CDH13: variants seen among roughly 807,000 people sequenced by gnomAD.
The protein encoded by CDH13 is cadherin 13, also known as cadherin-13.
A neutral mutation model predicts 63.8 loss-of-function variants in CDH13; 24 were observed. That is an observed-to-expected ratio of 0.38 (90% CI 0.27 to 0.53). The LOEUF (loss-of-function observed/expected upper bound fraction) is 0.53. Ranked by LOEUF, CDH13 falls within the 20% of genes least tolerant of loss-of-function variation. CDH13 has a pLI of 0.85. For synonymous variants in CDH13, 503 were observed against 355.3 expected (o/e 1.42, Z -4.67); for missense variants, 1,049 against 903.1 (o/e 1.16, Z -2.07).
At position 83,379,919 on chromosome 16, in the gene CDH13, GTA is replaced by G. The variant is rs747045728; in HGVS notation, c.781+34932_781+34933del. On this transcript the variant is annotated intron_variant, in intron 6 of 13. Transcript: ENST00000567109. ...ATATATGTATTATATATGTGTGTGT[GTA>G]TATATATATATATATATAGAGAGAG... Among the ~76,000 whole-genome samples, 40 of 126,418 alleles carry G rather than the reference GTA, an allele frequency of 3.2e-4. No individual in the cohort carries two copies. The East Asian group carries it at 3.6e-3, about 11-fold the overall frequency. 82.9% of individuals were successfully genotyped at this position (126,418 alleles called of 152,430 possible).
chr16:83,011,992 G>T (rs1021381550), intron 2 of CDH13, among the ~76,000 whole-genome samples: 1 of 152,028 alleles, frequency 6.6e-6, no homozygotes, highest in Non-Finnish European at 1.5e-5. Flanking sequence ...CACTCTTTTT[G>T]TGTTCAGATC....
At chr16:83,255,272 G>C (rs1312205052) in intron 5 of CDH13, among the ~76,000 whole-genome samples, 1 of 152,154 alleles carries the variant, frequency 6.6e-6, no homozygotes, top group Non-Finnish European at 1.5e-5. Flanking sequence ...CAATTAAAAA[G>C]ACAAGTGGAG....
At chr16:82,840,423 C>T (rs539753551) in intron 1 of CDH13, among the ~76,000 whole-genome samples, 2 of 151,352 alleles carry the variant, frequency 1.3e-5, no homozygotes, top group South Asian at 4.2e-4. Flanking sequence ...TGGCTCACAC[C>T]TGTAATCCCA....
intron 5 of CDH13, among the ~76,000 whole-genome samples, chr16:83,287,147 G>A (rs2089338491): frequency 6.6e-6 from 1 of 152,206 alleles, no homozygotes; most frequent in Non-Finnish European, 1.5e-5. Flanking sequence ...TCAGTGGAAT[G>A]TTCAGGAAGT....
chr16:82,724,145 T>C (rs1229991288), intron 1 of CDH13, among the ~76,000 whole-genome samples: 1 of 152,190 alleles, frequency 6.6e-6, no homozygotes, highest in Non-Finnish European at 1.5e-5. Context: ...AAAGAGGTTT[T>C]TTGTTATATA....
At chr16:83,764,963 C>G (rs1387048504) in intron 11 of CDH13, among the ~76,000 whole-genome samples, 1 of 152,236 alleles carries the variant, frequency 6.6e-6, no homozygotes, top group African/African-American at 2.4e-5. Flanking sequence ...ACCACTTCGT[C>G]CCCCTACAAC....
At chr16:83,401,948 A>C (rs1012152743) in intron 6 of CDH13, among the ~76,000 whole-genome samples, 2 of 152,154 alleles carry the variant, frequency 1.3e-5, no homozygotes, top group Admixed American at 1.3e-4. Flanking sequence ...CCAGAGCTTG[A>C]GGTCTTGAGA....
At chr16:83,537,127 T>A (rs1021972968) in intron 7 of CDH13, among the ~76,000 whole-genome samples, 1 of 152,180 alleles carries the variant, frequency 6.6e-6, no homozygotes, top group African/African-American at 2.4e-5. Context: ...CAAATTGAAA[T>A]ACATAGAAAC....
chr16:83,201,022 G>A (rs2039014181), intron 4 of CDH13, among the ~76,000 whole-genome samples: 1 of 149,698 alleles, frequency 6.7e-6, no homozygotes, highest in Non-Finnish European at 1.5e-5. Flanking sequence ...TCTGTTGGAG[G>A]ATACCAGAAT....
chr16:82,966,432 C>A (rs1223154793), intron 2 of CDH13, among the ~76,000 whole-genome samples: 5 of 152,216 alleles, frequency 3.3e-5, no homozygotes, highest in African/African-American at 1.2e-4. Flanking sequence ...CAGGCGTGAG[C>A]CAGCGCGCCT....
intron 1 of CDH13, among the ~76,000 whole-genome samples, chr16:82,726,852 A>G (rs755670915): frequency 6.6e-6 from 1 of 152,180 alleles, no homozygotes; most frequent in Non-Finnish European, 1.5e-5. Flanking sequence ...TATTAATAGT[A>G]TTATCCCCAT....
chr16:82,714,059 A>G (rs953900417), intron 1 of CDH13, among the ~76,000 whole-genome samples: 7 of 152,144 alleles, frequency 4.6e-5, no homozygotes, highest in Admixed American at 6.5e-5. Flanking sequence ...TCGGCCTTCC[A>G]AAGTGCTGGA....
At chr16:83,529,979 G>A (rs377177497) in intron 7 of CDH13, among the ~76,000 whole-genome samples, 24 of 152,092 alleles carry the variant, frequency 1.6e-4, no homozygotes, top group African/African-American at 4.3e-4. Flanking sequence ...AAATGGGGTC[G>A]GGTAAGAATC....
At chr16:83,428,279 C>G (rs1459336630) in intron 6 of CDH13, among the ~76,000 whole-genome samples, 4 of 152,062 alleles carry the variant, frequency 2.6e-5, no homozygotes, top group Admixed American at 6.6e-5. Context: ...GCAGCAAAAA[C>G]AGTGAACTAG....
chr16:83,388,163 A>T (rs1288004065), intron 6 of CDH13, among the ~76,000 whole-genome samples: 1 of 151,762 alleles, frequency 6.6e-6, no homozygotes, highest in Non-Finnish European at 1.5e-5. Context: ...TTTAAGAATC[A>T]CATTTCTGGG....
chr16:83,207,943 C>G (rs906850385), intron 4 of CDH13, among the ~76,000 whole-genome samples: 1 of 152,096 alleles, frequency 6.6e-6, no homozygotes, highest in Non-Finnish European at 1.5e-5. Flanking sequence ...GGCAAAATGA[C>G]CACTAAAAGA....
At position 83,566,967 on chromosome 16, in the gene CDH13, G is replaced by A. The variant is rs543352440; in HGVS notation, c.961-35487G>A. ...ACCTATTCTTTCTCTACTTCCTCAC[G>A]TTCCCTCCATCCCTGGGAGATTTAC... On this transcript the variant is annotated intron_variant, in intron 7 of 13. Coordinates refer to ENST00000567109, the MANE Select transcript of CDH13 (RefSeq NM_001257.5). Among the ~76,000 whole-genome samples, 9 of 152,196 alleles carry A rather than the reference G, an allele frequency of 5.9e-5. No individual in the cohort carries two copies. The South Asian group carries it at 1.0e-3, about 18-fold the overall frequency.
At position 83,102,965 on chromosome 16, in the gene CDH13, T is replaced by TC. The variant is rs796996175; in HGVS notation, c.367-22420_367-22419insC. Among the ~76,000 whole-genome samples the TC allele has an allele frequency of 3.6e-4, 39 of 107,800 alleles. 1 individual carries two copies. Among genetic ancestry groups the TC allele is most frequent in the Admixed American group, 7.8e-4 (7 of 8,992 alleles). 70.7% of individuals were successfully genotyped at this position (107,800 alleles called of 152,430 possible). On this transcript the variant is annotated intron_variant, in intron 3 of 13. Transcript: ENST00000567109. ...TTCTTTTTCTTTTTTTTTTTTTTTT[T>TC]TTTTTGAGGTGGAGTCCTGCTCTGT...
chr16:83,007,601 A>T (rs189258302), intron 2 of CDH13, among the ~76,000 whole-genome samples: 73 of 152,176 alleles, frequency 4.8e-4, no homozygotes, highest in African/African-American at 1.7e-3. Context: ...AGGCTGGGGC[A>T]GGTGGATTGC....
Sources: allele counts gnomAD v4.1 joint callset (sites outside exome capture counted in the v4.1 genomes callset), GRCh38; gene constraint gnomAD v4.1.1; transcripts MANE v1.5; gene names NCBI Gene and HGNC (gene_info 2026-07-23, HGNC 2026-07-21).